The following EXOC2 variants were observed in gnomAD, a reference collection of about 807,000 sequenced individuals.
The protein encoded by EXOC2 is SEC5-like 1.
In EXOC2, 70 loss-of-function variants were observed where a neutral mutation model predicts 131.8. The observed-to-expected ratio is 0.53, with a 90% CI of 0.44 to 0.65. The LOEUF (loss-of-function observed/expected upper bound fraction) is 0.65, where lower values mean the gene tolerates loss of function less well. EXOC2 is among the 30% of genes least tolerant of loss of function. The pLI, the probability that EXOC2 is intolerant of heterozygous loss-of-function variation, is 0.00. For missense variants in EXOC2, 923 were observed against 1,108.6 expected (o/e 0.83, Z 2.38); for synonymous variants, 411 against 398.4 (o/e 1.03, Z -0.38).
intron 2 of EXOC2, among the ~76,000 whole-genome samples, chr6:633,640 C>T (rs758913009): frequency 2.0e-5 from 3 of 152,150 alleles, no homozygotes; most frequent in Non-Finnish European, 4.4e-5. Flanking sequence ...TTAAGCATAA[C>T]CAAGAGTCAG....
At chr6:677,438 A>G (rs1764197413) in intron 1 of EXOC2, among the ~76,000 whole-genome samples, 1 of 152,278 alleles carries the variant, frequency 6.6e-6, no homozygotes, top group African/African-American at 2.4e-5. Flanking sequence ...CAGAAACAAT[A>G]CCAATTACAT....
intron 1 of EXOC2, among the ~76,000 whole-genome samples, chr6:692,667 G>T (rs1764989220): frequency 6.6e-6 from 1 of 152,286 alleles, no homozygotes; most frequent in South Asian, 2.1e-4. Context: ...ATCTCACGGA[G>T]TGGCAACTGC....
chr6:560,952 C>A (rs1036707110), intron 17 of EXOC2, among the ~76,000 whole-genome samples: 23 of 152,046 alleles, frequency 1.5e-4, no homozygotes, highest in Admixed American at 3.3e-4. Context: ...AGGTGATCCG[C>A]CCGCCTGAGC....
In EXOC2 at chr6:641,563, G is replaced by A. The variant is rs568954396; in HGVS notation, c.-43-3702C>T. Among the ~76,000 whole-genome samples the A allele has an allele frequency of 1.1e-4, 16 of 152,234 alleles. No individual in the cohort carries two copies. The East Asian group carries it at 1.4e-3, about 13-fold the overall frequency. On this transcript the variant is annotated intron_variant, in intron 1 of 27. Coordinates refer to ENST00000230449, the MANE Select transcript of EXOC2 (RefSeq NM_018303.6). Reference sequence around the variant, plus strand: ...ACACGACTTAATCAATCATGCCTACGTAACTTATTTAATACAAATAAAATG... The same window carrying A: ...ACACGACTTAATCAATCATGCCTACATAACTTATTTAATACAAATAAAATG...
In EXOC2 at chr6:656,478, C is replaced by T. The variant is rs1331633461; in HGVS notation, c.-43-18617G>A. On this transcript the variant is annotated intron_variant, in intron 1 of 27. Transcript: ENST00000230449. ...CGTCCTCCAGCGCGGCAGGCGGATGCTCGCGTCGGAGGCGCGCAGGCTGGG... is the reference window on the plus strand; with the variant it reads ...CGTCCTCCAGCGCGGCAGGCGGATGTTCGCGTCGGAGGCGCGCAGGCTGGG... 3 of 1,610,870 alleles carry T rather than the reference C, an allele frequency of 1.9e-6. No individual in the cohort carries two copies. In the East Asian group the frequency reaches 6.7e-5, roughly 36 times the overall value.
rs150371964 is a variant in EXOC2, at chr6:515,606, C to T, written c.2381-15906G>A. Reference sequence around the variant, plus strand: ...GGAGGGAGCGAGAAGCCAGAGTGACCGTAATCATACAACGATTTCCAACAA... The same window carrying T: ...GGAGGGAGCGAGAAGCCAGAGTGACTGTAATCATACAACGATTTCCAACAA... On this transcript the variant is annotated intron_variant, in intron 23 of 27. Coordinates refer to ENST00000230449, the MANE Select transcript of EXOC2 (RefSeq NM_018303.6). 4.8e-3 allele frequency among the ~76,000 whole-genome samples: 691 copies of T among 145,238 alleles called. 1 individual carries two copies. Among genetic ancestry groups the T allele is most frequent in the African/African-American group, 9.7e-3 (377 of 38,924 alleles).
intron 7 of EXOC2, among the ~76,000 whole-genome samples, chr6:600,003 A>G (rs1291002983): frequency 6.6e-6 from 1 of 152,206 alleles, no homozygotes; most frequent in Non-Finnish European, 1.5e-5. Flanking sequence ...GAAAGGAGAG[A>G]AAAAAGATAA....
chr6:691,916 C>A (rs564182840), intron 1 of EXOC2, among the ~76,000 whole-genome samples: 1 of 152,320 alleles, frequency 6.6e-6, no homozygotes, highest in South Asian at 2.1e-4. Flanking sequence ...CACCCTCTTT[C>A]TATTACTACT....
At chr6:591,824 T>C (rs1354619589) in intron 11 of EXOC2, among the ~76,000 whole-genome samples, 3 of 152,042 alleles carry the variant, frequency 2.0e-5, no homozygotes, top group Non-Finnish European at 4.4e-5. Flanking sequence ...TGCACACAAA[T>C]AGACCTTTGA....
intron 23 of EXOC2, among the ~76,000 whole-genome samples, chr6:503,446 T>C (rs1220955416): frequency 6.6e-6 from 1 of 152,172 alleles, no homozygotes; most frequent in African/African-American, 2.4e-5. Flanking sequence ...AAAAAACATC[T>C]TTGCCCCATT....
At chr6:554,480 G>A (rs151213181) in intron 20 of EXOC2, among the ~76,000 whole-genome samples, 1,760 of 152,250 alleles carry the variant, frequency 0.012, 16 homozygotes, top group Admixed American at 0.035. Context: ...GTGAAATAAT[G>A]AGCTAAAAAT....
At chr6:504,245 G>A (rs773655636) in intron 23 of EXOC2, among the ~76,000 whole-genome samples, 11 of 152,246 alleles carry the variant, frequency 7.2e-5, no homozygotes, top group African/African-American at 1.2e-4. Flanking sequence ...CTCGCCTGCG[G>A]CCTCGCAGTC....
intron 27 of EXOC2, among the ~76,000 whole-genome samples, chr6:487,907 C>T (rs1192998333): frequency 6.6e-6 from 1 of 152,212 alleles, no homozygotes; most frequent in Non-Finnish European, 1.5e-5. Context: ...TTGTTCGTGA[C>T]ACACTACCTT....
intron 11 of EXOC2, among the ~76,000 whole-genome samples, chr6:588,561 G>A (rs550226485): frequency 1.3e-5 from 2 of 152,284 alleles, no homozygotes; most frequent in South Asian, 2.1e-4. Context: ...CACTATGTTG[G>A]CCAGGCTGGT....
chr6:547,831 G>C (rs1175399864), intron 22 of EXOC2, among the ~76,000 whole-genome samples: 1 of 152,138 alleles, frequency 6.6e-6, no homozygotes, highest in Non-Finnish European at 1.5e-5. Flanking sequence ...AAATGATCTG[G>C]ACAAAGACAA....
At chr6:499,544 A>C in intron 24 of EXOC2, 101 bp downstream of exon 24, 1 of 976,598 alleles carries the variant, frequency 1.0e-6, no homozygotes, top group Non-Finnish European at 1.6e-6. Context: ...ACACATTCTG[A>C]GGGAAAAAAA....
intron 25 of EXOC2, among the ~76,000 whole-genome samples, chr6:494,454 T>A (rs896753270): frequency 4.2e-4 from 61 of 144,638 alleles, no homozygotes; most frequent in African/African-American, 1.3e-3. Flanking sequence ...TTTTTTTTTT[T>A]ATAGTTAGAA....
intron 2 of EXOC2, among the ~76,000 whole-genome samples, chr6:636,211 G>A (rs990993812): frequency 9.2e-5 from 14 of 152,234 alleles, no homozygotes; most frequent in African/African-American, 3.1e-4. Context: ...AATTCTGGAC[G>A]GAACCCCCAC....
At chr6:572,499 T>C (rs1758340281) in intron 13 of EXOC2, 21 bp downstream of exon 13, 2 of 1,597,908 alleles carry the variant, frequency 1.3e-6, no homozygotes, top group Non-Finnish European at 1.7e-6. Flanking sequence ...GCTCCACCTC[T>C]AGCCGAGTCC....
Sources: gnomAD v4.1 joint callset for allele counts (sites outside exome capture counted in the v4.1 genomes callset) on GRCh38, gnomAD v4.1.1 for gene constraint, MANE v1.5 for transcripts, NCBI Gene and HGNC (gene_info 2026-07-23, HGNC 2026-07-21) for gene names.